The following ESRRG variants were observed in gnomAD, a reference collection of about 807,000 sequenced individuals.
ESRRG encodes estrogen-related receptor gamma.
A neutral mutation model predicts 44.0 loss-of-function variants in ESRRG; 13 were observed. That is an observed-to-expected ratio of 0.30 (90% CI 0.19 to 0.47). The LOEUF (loss-of-function observed/expected upper bound fraction) is 0.47, where lower values mean the gene tolerates loss of function less well. ESRRG is among the 20% of genes least tolerant of loss of function. The probability of loss-of-function intolerance (pLI) is 1.00; values close to 1 mark genes in which losing one functional copy is unlikely to be tolerated. For synonymous variants in ESRRG, 215 were observed against 214.6 expected, an observed-to-expected ratio of 1.00 and a Z score of -0.02; for missense variants, 395 against 580.6, an observed-to-expected ratio of 0.68 and a Z score of 3.29.
chr1:216,796,917 A>T lies in ESRRG; in HGVS notation c.-13-119426T>A, dbSNP rs948629124. Among the ~76,000 whole-genome samples, 6 of 152,168 alleles carry T rather than the reference A, an allele frequency of 3.9e-5. No homozygotes were observed. The East Asian group carries it at 1.2e-3, about 29-fold the overall frequency. On this transcript the variant is annotated intron_variant, in intron 2 of 7. Coordinates refer to the ESRRG transcript ENST00000359162. ...TATTTATTTTGTCTTTTTTAGATGCAGTCTCACCCTGTTGCCCAGGCTGGA... is the reference window on the plus strand; with the variant it reads ...TATTTATTTTGTCTTTTTTAGATGCTGTCTCACCCTGTTGCCCAGGCTGGA...
chr1:216,618,174 A>G (rs2061677519), intron 3 of ESRRG, among the ~76,000 whole-genome samples: 1 of 152,268 alleles, frequency 6.6e-6, no homozygotes, highest in African/African-American at 2.4e-5. Context: ...CAAGACTCAC[A>G]TAGTAATATC....
chr1:216,680,789 A>G (rs1474634180), intron 1 of ESRRG, among the ~76,000 whole-genome samples: 2 of 152,228 alleles, frequency 1.3e-5, no homozygotes, highest in Non-Finnish European at 2.9e-5. Flanking sequence ...TCAAGTCTGA[A>G]ATATTCACAA....
chr1:217,050,386 A>C (rs957247003), intron 1 of ESRRG, among the ~76,000 whole-genome samples: 1 of 152,178 alleles, frequency 6.6e-6, no homozygotes, highest in Admixed American at 6.5e-5. Context: ...TAGACCACAT[A>C]ACCTGTGCAG....
chr1:217,055,976 C>T (rs1331472102), intron 1 of ESRRG, among the ~76,000 whole-genome samples: 1 of 152,128 alleles, frequency 6.6e-6, no homozygotes, highest in African/African-American at 2.4e-5. Flanking sequence ...TCCTTGGGTA[C>T]ACAGCTACAC....
chr1:216,701,998 ATTTGT>A (rs1354128205), intron 1 of ESRRG, among the ~76,000 whole-genome samples: 2 of 152,290 alleles, frequency 1.3e-5, no homozygotes, highest in Non-Finnish European at 2.9e-5. Context: ...TTTTATTCAC[ATTTGT>A]TTTATTTATG....
chr1:217,008,425 T>C (rs543671571), intron 1 of ESRRG, among the ~76,000 whole-genome samples: 1 of 152,370 alleles, frequency 6.6e-6, no homozygotes, highest in South Asian at 2.1e-4. Context: ...GTGACTGCTC[T>C]AGAATATCTA....
intron 2 of ESRRG, among the ~76,000 whole-genome samples, chr1:216,923,287 C>G (rs562288085): frequency 5.9e-5 from 9 of 152,312 alleles, no homozygotes; most frequent in Non-Finnish European, 1.2e-4. Flanking sequence ...TCTTATTAAA[C>G]TAACAAACAA....
chr1:216,857,500 A>C (rs1161294712), intron 2 of ESRRG, among the ~76,000 whole-genome samples: 2 of 152,140 alleles, frequency 1.3e-5, no homozygotes, highest in African/African-American at 2.4e-5. Flanking sequence ...TGGACACATA[A>C]AACGAAATGC....
At chr1:216,551,023 T>A (rs532892723) in intron 5 of ESRRG, among the ~76,000 whole-genome samples, 280 of 152,280 alleles carry the variant, frequency 1.8e-3, no homozygotes, top group African/African-American at 6.7e-3. Context: ...GTGGTTGACA[T>A]CTGACTTACA....
chr1:217,121,163 G>T (rs1486241489), intron 1 of ESRRG, among the ~76,000 whole-genome samples: 1 of 151,458 alleles, frequency 6.6e-6, no homozygotes, highest in Non-Finnish European at 1.5e-5. Context: ...CATTTATCAG[G>T]CAGAAGGAAC....
intron 1 of ESRRG, among the ~76,000 whole-genome samples, chr1:217,031,345 T>C (rs758448544): frequency 2.6e-5 from 4 of 152,154 alleles, no homozygotes; most frequent in Non-Finnish European, 5.9e-5. Flanking sequence ...AATCTTCATA[T>C]TCCCACCATT....
intron 3 of ESRRG, among the ~76,000 whole-genome samples, chr1:216,603,067 T>A (rs1041837403): frequency 1.3e-5 from 2 of 152,038 alleles, no homozygotes; most frequent in East Asian, 3.9e-4. Context: ...CTGAATTTAG[T>A]TGCTATCTAC....
intron 3 of ESRRG, among the ~76,000 whole-genome samples, chr1:216,615,781 A>G (rs1054666664): frequency 3.0e-5 from 4 of 134,716 alleles, no homozygotes; most frequent in African/African-American, 1.1e-4. Context: ...TCTGTCGCCC[A>G]GGCTCAAGAG....
chr1:216,856,284 C>A (rs749478555), intron 2 of ESRRG, among the ~76,000 whole-genome samples: 1 of 151,744 alleles, frequency 6.6e-6, no homozygotes, highest in Non-Finnish European at 1.5e-5. Flanking sequence ...GGAAAGCATG[C>A]TCCTTACATT....
chr1:216,620,660 G>A (rs1046064435), intron 3 of ESRRG, among the ~76,000 whole-genome samples: 3 of 152,030 alleles, frequency 2.0e-5, no homozygotes, highest in African/African-American at 7.2e-5. Context: ...ATGAATAAGG[G>A]GTTTAGTCAT....
chr1:217,060,818 A>AGATAGATAGATAGATAGAT (rs141474357), intron 1 of ESRRG, among the ~76,000 whole-genome samples: 5,718 of 150,080 alleles, frequency 0.038, 154 homozygotes, highest in Non-Finnish European at 0.045. Context: ...ATAGATAGAT[A>AGATAGATAGATAGATAGAT]GATAGATAGA....
intron 1 of ESRRG, among the ~76,000 whole-genome samples, chr1:217,085,799 G>A (rs1231389653): frequency 1.3e-5 from 2 of 151,968 alleles, no homozygotes; most frequent in Admixed American, 1.3e-4. Flanking sequence ...AGCCGAGAAA[G>A]ATCTTTAAAC....
At chr1:216,536,791 T>C (rs1273383777) in intron 5 of ESRRG, among the ~76,000 whole-genome samples, 1 of 152,072 alleles carries the variant, frequency 6.6e-6, no homozygotes, top group Non-Finnish European at 1.5e-5. Flanking sequence ...GCATTATGAA[T>C]GCAACAAAAG....
intron 2 of ESRRG, among the ~76,000 whole-genome samples, chr1:216,877,275 G>A (rs984821291): frequency 5.1e-4 from 78 of 151,802 alleles, no homozygotes; most frequent in Admixed American, 7.2e-4. Flanking sequence ...CTCATCTCAT[G>A]TTATATATTT....
Sources: allele counts gnomAD v4.1 joint callset (sites outside exome capture counted in the v4.1 genomes callset), GRCh38; gene constraint gnomAD v4.1.1; transcripts MANE v1.5; gene names NCBI Gene and HGNC (gene_info 2026-07-23, HGNC 2026-07-21).